UVRAG: variants seen among roughly 807,000 people sequenced by gnomAD.
UVRAG encodes the protein UV radiation resistance-associated gene protein.
A neutral mutation model predicts 78.0 loss-of-function variants in UVRAG; 19 were observed. That is an observed-to-expected ratio of 0.24 (90% CI 0.17 to 0.36). The LOEUF (loss-of-function observed/expected upper bound fraction) is 0.36, where lower values mean the gene tolerates loss of function less well. Ranked by LOEUF, UVRAG falls within the 10% of genes least tolerant of loss-of-function variation. The pLI is 1.00. For synonymous variants in UVRAG, 323 were observed against 324.6 expected (o/e 1.00, Z 0.05); for missense variants, 740 against 853.8 (o/e 0.87, Z 1.66).
chr11:75,903,755 A>G (rs1947559492), intron 5 of UVRAG, among the ~76,000 whole-genome samples: 2 of 152,180 alleles, frequency 1.3e-5, no homozygotes, highest in Admixed American at 1.3e-4. Context: ...TGTGTTCTCT[A>G]TGAGGACAGT....
At chr11:76,068,008 G>A (rs1951225433) in intron 13 of UVRAG, among the ~76,000 whole-genome samples, 1 of 152,142 alleles carries the variant, frequency 6.6e-6, no homozygotes, top group South Asian at 2.1e-4. Flanking sequence ...GCTTCCTGGT[G>A]AAACTTACTC....
At chr11:76,029,908 A>G (rs971107740) in intron 12 of UVRAG, among the ~76,000 whole-genome samples, 8 of 152,302 alleles carry the variant, frequency 5.3e-5, no homozygotes, top group African/African-American at 7.2e-5. Context: ...ACCTTCAGCA[A>G]CCACCACCCT....
chr11:75,847,978 A>G (rs1378556109), intron 1 of UVRAG, among the ~76,000 whole-genome samples: 1 of 151,598 alleles, frequency 6.6e-6, no homozygotes, highest in Non-Finnish European at 1.5e-5. Flanking sequence ...TCAAAAAAAA[A>G]AAAAAGAAAA....
chr11:75,959,511 AAG>A (rs1948870393), intron 6 of UVRAG, among the ~76,000 whole-genome samples: 1 of 152,208 alleles, frequency 6.6e-6, no homozygotes, highest in Non-Finnish European at 1.5e-5. Flanking sequence ...CAAAGATTTG[AAG>A]AGAGTTAGGT....
At chr11:76,055,997 C>T (rs1950977613) in intron 12 of UVRAG, among the ~76,000 whole-genome samples, 1 of 152,244 alleles carries the variant, frequency 6.6e-6, no homozygotes, top group South Asian at 2.1e-4. Context: ...GCGTGAGCCA[C>T]TGTGCCCGGC....
intron 13 of UVRAG, among the ~76,000 whole-genome samples, chr11:76,081,778 A>G (rs933986038): frequency 3.3e-5 from 5 of 152,148 alleles, no homozygotes; most frequent in African/African-American, 1.2e-4. Flanking sequence ...TAGCACCACT[A>G]TTCATAATAG....
chr11:75,998,056 G>A (rs1013386214), intron 8 of UVRAG, among the ~76,000 whole-genome samples: 2 of 152,182 alleles, frequency 1.3e-5, no homozygotes, highest in Non-Finnish European at 2.9e-5. Flanking sequence ...CTCTACTCAA[G>A]AGTGAAATAC....
chr11:75,861,822 C>T (rs1275662043), intron 3 of UVRAG, 42 bp downstream of exon 3: 1 of 1,503,950 alleles, frequency 6.6e-7, no homozygotes, highest in East Asian at 2.3e-5. Flanking sequence ...TAAGTATATA[C>T]ACCTGTTTTC....
intron 12 of UVRAG, among the ~76,000 whole-genome samples, chr11:76,039,191 G>C (rs1950595312): frequency 6.6e-6 from 1 of 152,176 alleles, no homozygotes; most frequent in Non-Finnish European, 1.5e-5. Flanking sequence ...CCACTTCATA[G>C]GGTATCTAGG....
intron 5 of UVRAG, among the ~76,000 whole-genome samples, chr11:75,898,600 C>T (rs536768526): frequency 2.0e-4 from 31 of 152,234 alleles, no homozygotes; most frequent in African/African-American, 7.0e-4. Flanking sequence ...TCTTTATAGA[C>T]GTGCACTTTC....
chr11:76,083,402 A>G (rs1951533936), intron 13 of UVRAG, among the ~76,000 whole-genome samples: 1 of 152,224 alleles, frequency 6.6e-6, no homozygotes. Context: ...AGCCCTAAAC[A>G]AAAGAATAGA....
chr11:75,817,440 C>T (rs1029576840), intron 1 of UVRAG, among the ~76,000 whole-genome samples: 3 of 152,068 alleles, frequency 2.0e-5, no homozygotes, highest in Middle Eastern at 6.8e-3. Flanking sequence ...GGATTGGTGC[C>T]GAGGGATATA....
chr11:75,894,268 G>C (rs531202934), intron 5 of UVRAG, among the ~76,000 whole-genome samples: 1 of 151,842 alleles, frequency 6.6e-6, no homozygotes, highest in African/African-American at 2.4e-5. Context: ...GAGGGTAAAA[G>C]TTTCAAAACT....
In UVRAG at chr11:76,033,065, CAG is replaced by C. The variant is rs761434532; in HGVS notation, c.1226+16088_1226+16089del. 3.7e-4 allele frequency among the ~76,000 whole-genome samples: 57 copies of C among 152,148 alleles called. 1 individual carries two copies. Among genetic ancestry groups the C allele is most frequent in the Middle Eastern group, 3.2e-3 (1 of 316 alleles). ...AAATATATGACTAATTTGATTTAAA[CAG>C]AGTTTCTTCCACATGTAACTATCTA... On this transcript the variant is annotated intron_variant, in intron 12 of 14. Coordinates refer to ENST00000356136, the MANE Select transcript of UVRAG (RefSeq NM_003369.4).
chr11:75,820,386 ACT>A (rs1945360449), intron 1 of UVRAG, among the ~76,000 whole-genome samples: 1 of 143,718 alleles, frequency 7.0e-6, no homozygotes, highest in African/African-American at 2.6e-5. Flanking sequence ...ACGGAGTCTC[ACT>A]CTGTCACCCA....
chr11:75,946,601 A>G (rs1948593254), intron 6 of UVRAG, among the ~76,000 whole-genome samples: 1 of 152,190 alleles, frequency 6.6e-6, no homozygotes, highest in South Asian at 2.1e-4. Context: ...TCTGGAGCTC[A>G]GGGTCCTTGT....
intron 1 of UVRAG, among the ~76,000 whole-genome samples, chr11:75,820,122 A>C (rs1340513608): frequency 6.6e-6 from 1 of 152,052 alleles, no homozygotes; most frequent in East Asian, 1.9e-4. Context: ...GACTACAGGC[A>C]TGTGCCACCA....
intron 13 of UVRAG, among the ~76,000 whole-genome samples, chr11:76,087,162 G>A (rs957310879): frequency 3.9e-5 from 6 of 152,106 alleles, no homozygotes; most frequent in Non-Finnish European, 8.8e-5. Flanking sequence ...TTCTACATGC[G>A]CACACACATA....
intron 14 of UVRAG, among the ~76,000 whole-genome samples, chr11:76,128,163 G>A (rs1349147697): frequency 6.6e-6 from 1 of 152,192 alleles, no homozygotes; most frequent in East Asian, 1.9e-4. Flanking sequence ...CACAGCAGGA[G>A]GTGAGTAGAG....
Sources: gnomAD v4.1 joint callset for allele counts (sites outside exome capture counted in the v4.1 genomes callset) on GRCh38, gnomAD v4.1.1 for gene constraint, MANE v1.5 for transcripts, NCBI Gene and HGNC (gene_info 2026-07-23, HGNC 2026-07-21) for gene names.